Variants in THRB observed in about 807,000 individuals in gnomAD.
The protein encoded by THRB is nuclear receptor subfamily 1 group A member 2.
Under a neutral mutation model 47.8 loss-of-function variants are expected in THRB, and 12 were observed. The observed-to-expected ratio is 0.25, with a 90% CI of 0.16 to 0.41. THRB has a LOEUF of 0.41. Ranked by LOEUF, THRB falls within the 10% of genes least tolerant of loss-of-function variation. The probability of loss-of-function intolerance (pLI) is 1.00; values close to 1 mark genes in which losing one functional copy is unlikely to be tolerated. For synonymous variants in THRB, 218 were observed against 212.2 expected, an observed-to-expected ratio of 1.03 and a Z score of -0.24; for missense variants, 348 against 589.2, an observed-to-expected ratio of 0.59 and a Z score of 4.24.
At chr3:24,371,730 G>T (rs957553037) in intron 1 of THRB, among the ~76,000 whole-genome samples, 3 of 152,128 alleles carry the variant, frequency 2.0e-5, no homozygotes, top group Non-Finnish European at 2.9e-5. Flanking sequence ...CACTTTGGAA[G>T]CTGGTGCTCA....
intron 1 of THRB, among the ~76,000 whole-genome samples, chr3:24,354,351 A>G (rs1486362673): frequency 1.3e-5 from 2 of 152,140 alleles, no homozygotes; most frequent in African/African-American, 4.8e-5. Flanking sequence ...AACAAATCTG[A>G]ACTTGTACCC....
chr3:24,161,574 A>G (rs1300933675), intron 5 of THRB, among the ~76,000 whole-genome samples: 1 of 150,818 alleles, frequency 6.6e-6, no homozygotes, highest in Non-Finnish European at 1.5e-5. Context: ...TTTTCATTTC[A>G]AATGCCTATG....
intron 5 of THRB, among the ~76,000 whole-genome samples, chr3:24,183,368 C>CTTTTTT (rs1193344905): frequency 1.1e-4 from 9 of 84,230 alleles, no homozygotes; most frequent in Middle Eastern, 5.4e-3. Flanking sequence ...TTTTTCTTTT[C>CTTTTTT]TTTTTTTTTT....
chr3:24,188,380 G>C (rs1399675694), intron 5 of THRB, among the ~76,000 whole-genome samples: 1 of 152,168 alleles, frequency 6.6e-6, no homozygotes, highest in Non-Finnish European at 1.5e-5. Flanking sequence ...AAGTAGAAAG[G>C]CTAGGATTCT....
intron 3 of THRB, among the ~76,000 whole-genome samples, chr3:24,291,993 G>A (rs2055970311): frequency 6.6e-6 from 1 of 152,116 alleles, no homozygotes; most frequent in Non-Finnish European, 1.5e-5. Context: ...AGAAGACTCA[G>A]TAAATAAATT....
At chr3:24,163,539 A>G in intron 5 of THRB, among the ~76,000 whole-genome samples, 1 of 152,198 alleles carries the variant, frequency 6.6e-6, no homozygotes, top group South Asian at 2.1e-4. Context: ...TTTTCTTACA[A>G]CACTACAAAA....
chr3:24,275,603 T>G (rs1336635586), intron 3 of THRB, among the ~76,000 whole-genome samples: 1 of 152,222 alleles, frequency 6.6e-6, no homozygotes, highest in East Asian at 1.9e-4. Context: ...GGGCCATACT[T>G]CTGTTTCTTG....
At chr3:24,484,128 A>T (rs1696894821) in intron 1 of THRB, 1 of 152,248 alleles carries the variant, frequency 6.6e-6, no homozygotes, top group Non-Finnish European at 1.5e-5. Flanking sequence ...AATCAGGAAC[A>T]GCAATTTTCA....
chr3:24,196,573 T>C (rs1008376515), intron 4 of THRB, among the ~76,000 whole-genome samples: 1 of 152,160 alleles, frequency 6.6e-6, no homozygotes, highest in African/African-American at 2.4e-5. Flanking sequence ...CTAAACATGA[T>C]TTTTAAAGAG....
At chr3:24,257,946 A>G (rs560043214) in intron 3 of THRB, among the ~76,000 whole-genome samples, 1 of 152,246 alleles carries the variant, frequency 6.6e-6, no homozygotes, top group Non-Finnish European at 1.5e-5. Context: ...CACTTGGAGC[A>G]ACACTTCCAA....
chr3:24,293,467 AAAAAG>A (rs1478130639), intron 3 of THRB, among the ~76,000 whole-genome samples: 9 of 152,230 alleles, frequency 5.9e-5, no homozygotes, highest in Non-Finnish European at 7.3e-5. Flanking sequence ...CAAACATGCA[AAAAAG>A]AAAAGAAGAC....
intron 3 of THRB, among the ~76,000 whole-genome samples, chr3:24,281,865 A>T (rs2054650325): frequency 6.6e-6 from 1 of 151,734 alleles, no homozygotes; most frequent in Admixed American, 6.6e-5. Context: ...TAAAGGGATC[A>T]ATTCAACAAG....
In THRB at chr3:24,490,843, T is replaced by C. The variant is rs73152115; in HGVS notation, c.-261+3809A>G. On this transcript the variant is annotated intron_variant, in intron 1 of 10. Coordinates refer to ENST00000646209, the MANE Select transcript of THRB (RefSeq NM_001354712.2). ...GATTCATCACCAGAATCTCCACTGA[T>C]AGGCCATAGTAGCTCAGGCCCCCAA... Among the ~76,000 whole-genome samples, 708 of 152,264 alleles carry C rather than the reference T, an allele frequency of 4.6e-3. 4 individuals carry two copies. Among genetic ancestry groups the C allele is most frequent in the African/African-American group, 0.016 (659 of 41,550 alleles).
At chr3:24,427,804 T>G (rs1464810253) in intron 1 of THRB, among the ~76,000 whole-genome samples, 1 of 152,096 alleles carries the variant, frequency 6.6e-6, no homozygotes, top group Non-Finnish European at 1.5e-5. Context: ...ATGTTTGAAC[T>G]TGAATCATAG....
At chr3:24,481,830 T>C (rs1447242842) in intron 1 of THRB, among the ~76,000 whole-genome samples, 3 of 137,110 alleles carry the variant, frequency 2.2e-5, no homozygotes, top group Non-Finnish European at 4.6e-5. Context: ...AGTTTGAATA[T>C]GGACCATAAA....
At chr3:24,185,195 A>T (rs1420280002) in intron 5 of THRB, among the ~76,000 whole-genome samples, 1 of 152,210 alleles carries the variant, frequency 6.6e-6, no homozygotes, top group Non-Finnish European at 1.5e-5. Context: ...TACATCTATA[A>T]AGAAGAATAA....
chr3:24,493,017 C>G (rs1335931864), intron 1 of THRB, among the ~76,000 whole-genome samples: 1 of 152,170 alleles, frequency 6.6e-6, no homozygotes, highest in Non-Finnish European at 1.5e-5. Flanking sequence ...GTTAGTATTT[C>G]TTTAACATGC....
chr3:24,211,391 C>T (rs923322257), intron 4 of THRB, among the ~76,000 whole-genome samples: 2 of 152,144 alleles, frequency 1.3e-5, no homozygotes, highest in African/African-American at 2.4e-5. Context: ...CAGGAAACTT[C>T]CTGTTCCCTC....
At chr3:24,334,395 T>A (rs1046215540) in intron 2 of THRB, among the ~76,000 whole-genome samples, 1 of 152,170 alleles carries the variant, frequency 6.6e-6, no homozygotes, top group Non-Finnish European at 1.5e-5. Flanking sequence ...TTAAAAAAAA[T>A]TATGAAGAAT....
Sources: gnomAD v4.1 joint callset for allele counts (sites outside exome capture counted in the v4.1 genomes callset) on GRCh38, gnomAD v4.1.1 for gene constraint, MANE v1.5 for transcripts, NCBI Gene and HGNC (gene_info 2026-07-23, HGNC 2026-07-21) for gene names.